The following FMNL2 variants were observed in gnomAD, a reference collection of about 807,000 sequenced individuals.
FMNL2 encodes formin-like protein 2.
FMNL2 carries 51 observed loss-of-function variants against 130.2 expected under a neutral mutation model. That is an observed-to-expected ratio of 0.39 (90% CI 0.31 to 0.49). The LOEUF is 0.49. Ranked by LOEUF, FMNL2 falls within the 20% of genes least tolerant of loss-of-function variation. The pLI is 0.85. For missense variants in FMNL2, 977 were observed against 1,316.2 expected, an observed-to-expected ratio of 0.74 and a Z score of 3.99; for synonymous variants, 465 against 467.1, an observed-to-expected ratio of 1.00 and a Z score of 0.06.
chr2:152,351,086 T>C (rs1421353751), intron 1 of FMNL2, among the ~76,000 whole-genome samples: 1 of 152,102 alleles, frequency 6.6e-6, no homozygotes, highest in African/African-American at 2.4e-5. Context: ...AAGATAAAAA[T>C]AAAGTGAAAG....
At chr2:152,456,894 C>T (rs950140768) in intron 1 of FMNL2, among the ~76,000 whole-genome samples, 8 of 149,780 alleles carry the variant, frequency 5.3e-5, no homozygotes, top group East Asian at 3.9e-4. Context: ...GCCAAGATTG[C>T]GCCACTACAC....
At chr2:152,370,213 C>T (rs1323370796) in intron 1 of FMNL2, among the ~76,000 whole-genome samples, 2 of 152,106 alleles carry the variant, frequency 1.3e-5, no homozygotes, top group African/African-American at 4.8e-5. Flanking sequence ...ATCAGGGTGC[C>T]ACCCAGTATG....
At chr2:152,501,089 C>T (rs555637965) in intron 1 of FMNL2, among the ~76,000 whole-genome samples, 1 of 152,318 alleles carries the variant, frequency 6.6e-6, no homozygotes, top group South Asian at 2.1e-4. Context: ...TCACATTTTT[C>T]ATGACGGTTT....
intron 9 of FMNL2, among the ~76,000 whole-genome samples, chr2:152,588,373 A>C (rs1342873574): frequency 6.6e-6 from 1 of 151,834 alleles, no homozygotes; most frequent in Non-Finnish European, 1.5e-5. Flanking sequence ...TCCTTTAAGG[A>C]CCCTTGTGAT....
rs1288401943 is a variant in FMNL2 at position 152,578,924 on chromosome 2, G to A, written c.742G>A (p.Val248Ile). 6.2e-7 allele frequency: 1 copy of A among 1,613,424 alleles called. No homozygotes were observed. Among genetic ancestry groups the A allele is most frequent in the East Asian group, 2.2e-5 (1 of 44,868 alleles). Residue 248 changes from valine to isoleucine, a missense_variant, in exon 8 of 26, where the codon GTC becomes ATC. Val to Ile is a conservative substitution (Grantham distance 29, BLOSUM62 3). This residue lies in a region of FMNL2 where 689 missense variants were observed against 995.9 expected (regional missense o/e 0.69). Transcript: ENST00000288670. ...FNMVMSHPHAVNEIALSLNNK... is the reference protein window; with the variant it reads ...FNMVMSHPHAINEIALSLNNK... ...CATGGTCATGTCTCATCCACACGCT[G>A]TCAATGAGATTGCACTAAGCCTGAA...
At position 152,617,982 on chromosome 2, in the gene FMNL2, G is replaced by A. The variant is rs562149917; in HGVS notation, c.1314+790G>A. Reference sequence around the variant, plus strand: ...CCTTCGAGACAGAGTTGTAGCATATGGACTCAATTCAACTTCAGACTCTTA... The same window carrying A: ...CCTTCGAGACAGAGTTGTAGCATATAGACTCAATTCAACTTCAGACTCTTA... On this transcript the variant is annotated intron_variant, in intron 13 of 25. Transcript: ENST00000288670. Among the ~76,000 whole-genome samples, 136 of 152,264 alleles carry A rather than the reference G, an allele frequency of 8.9e-4. 1 individual carries two copies. Among genetic ancestry groups the A allele is most frequent in the African/African-American group, 3.2e-3 (132 of 41,554 alleles).
At chr2:152,530,003 A>G (rs1390457505) in intron 2 of FMNL2, among the ~76,000 whole-genome samples, 1 of 152,180 alleles carries the variant, frequency 6.6e-6, no homozygotes, top group East Asian at 1.9e-4. Flanking sequence ...TTTTGCCAAA[A>G]TGTATATCAC....
At chr2:152,425,147 G>A (rs2106061557) in intron 1 of FMNL2, among the ~76,000 whole-genome samples, 1 of 152,314 alleles carries the variant, frequency 6.6e-6, no homozygotes, top group East Asian at 1.9e-4. Flanking sequence ...CCCCTGTAAA[G>A]AGTTAGATGA....
intron 1 of FMNL2, among the ~76,000 whole-genome samples, chr2:152,453,095 G>A (rs1249079023): frequency 1.3e-5 from 2 of 151,856 alleles, no homozygotes; most frequent in Admixed American, 6.6e-5. Flanking sequence ...CCAGCTACTC[G>A]GGAAGCTGAG....
intron 1 of FMNL2, among the ~76,000 whole-genome samples, chr2:152,519,171 T>C (rs1692938077): frequency 6.6e-6 from 1 of 152,162 alleles, no homozygotes; most frequent in South Asian, 2.1e-4. Flanking sequence ...ACTCATTTGT[T>C]ACTTTTTCCT....
intron 1 of FMNL2, among the ~76,000 whole-genome samples, chr2:152,402,739 GA>G (rs1685774512): frequency 6.6e-6 from 1 of 152,140 alleles, no homozygotes; most frequent in African/African-American, 2.4e-5. Flanking sequence ...ATAATACAGA[GA>G]ATTCCCACAT....
intron 1 of FMNL2, among the ~76,000 whole-genome samples, chr2:152,509,763 T>TTTTTTG (rs1198654296): frequency 2.1e-5 from 3 of 144,654 alleles, no homozygotes; most frequent in Admixed American, 7.0e-5. Flanking sequence ...TTTTTTTTTT[T>TTTTTTG]GAGAGAGGGT....
intron 1 of FMNL2, among the ~76,000 whole-genome samples, chr2:152,359,776 G>T (rs1683053440): frequency 6.6e-6 from 1 of 152,152 alleles, no homozygotes; most frequent in Admixed American, 6.5e-5. Context: ...TCAAATGGGG[G>T]TTTCTCTACT....
intron 2 of FMNL2, among the ~76,000 whole-genome samples, chr2:152,523,306 T>TC (rs1285513337): frequency 6.6e-6 from 1 of 152,178 alleles, no homozygotes; most frequent in East Asian, 1.9e-4. Flanking sequence ...GCTAAGATGC[T>TC]CAGAGACAGA....
chr2:152,613,737 C>T lies in FMNL2; in HGVS notation c.1063-1114C>T, dbSNP rs915721552. ...AATGCTTCACTAGTTTACAAAAACC[C>T]AGCCTTGTAAGTAGCCATTGATTTG... is the stretch of plus-strand genomic sequence containing the variant. On this transcript the variant is annotated intron_variant, in intron 11 of 25. Coordinates refer to ENST00000288670, the MANE Select transcript of FMNL2 (RefSeq NM_052905.4). Among the ~76,000 whole-genome samples, 4 of 152,144 alleles carry T rather than the reference C, an allele frequency of 2.6e-5. 1 individual carries two copies. The South Asian group carries it at 8.3e-4, about 32-fold the overall frequency.
At chr2:152,516,584 G>A (rs1270709621) in intron 1 of FMNL2, among the ~76,000 whole-genome samples, 2 of 152,176 alleles carry the variant, frequency 1.3e-5, no homozygotes, top group Non-Finnish European at 2.9e-5. Flanking sequence ...TACATAAGGT[G>A]TATTTCATAC....
intron 10 of FMNL2, among the ~76,000 whole-genome samples, chr2:152,609,593 A>G (rs1698571492): frequency 6.6e-6 from 1 of 152,132 alleles, no homozygotes; most frequent in South Asian, 2.1e-4. Flanking sequence ...CTTTGTAAAG[A>G]TATATTTTTT....
intron 1 of FMNL2, among the ~76,000 whole-genome samples, chr2:152,509,664 T>TGA (rs1692380814): frequency 7.0e-6 from 1 of 143,348 alleles, no homozygotes; most frequent in South Asian, 2.3e-4. Flanking sequence ...GGAGAGAAGG[T>TGA]GAGTGGGATG....
chr2:152,629,801 TTC>T, intron 19 of FMNL2, 22 bp from the exon 20 acceptor site: 1 of 1,610,798 alleles, frequency 6.2e-7, no homozygotes. Context: ...ACTGATGGGC[TTC>T]TGTTTTCACC....
Sources: allele counts gnomAD v4.1 joint callset (sites outside exome capture counted in the v4.1 genomes callset), GRCh38; gene constraint gnomAD v4.1.1; regional missense constraint gnomAD v4.1.1; transcripts MANE v1.5; gene names NCBI Gene and HGNC (gene_info 2026-07-23, HGNC 2026-07-21).